CACNA1A: variants seen among roughly 807,000 people sequenced by gnomAD.
CACNA1A encodes the protein calcium voltage-gated channel subunit alpha1 A.
A neutral mutation model predicts 262.4 loss-of-function variants in CACNA1A; 57 were observed. That is an observed-to-expected ratio of 0.22 (90% CI 0.18 to 0.27). The LOEUF (loss-of-function observed/expected upper bound fraction) is 0.27, where lower values mean the gene tolerates loss of function less well. Among genes scored for constraint, CACNA1A ranks in the 10% least tolerant of loss-of-function variants. CACNA1A has a pLI of 1.00. For synonymous variants in CACNA1A, 1,431 were observed against 1,419.3 expected, an observed-to-expected ratio of 1.01 and a Z score of -0.18; for missense variants, 2,526 against 3,562.8, an observed-to-expected ratio of 0.71 and a Z score of 7.41.
chr19:13,373,332 A>G (rs977244529), intron 3 of CACNA1A, among the ~76,000 whole-genome samples: 2 of 152,100 alleles, frequency 1.3e-5, no homozygotes, highest in African/African-American at 4.8e-5. Flanking sequence ...TTGATTTTTC[A>G]GTTTTATCCA....
chr19:13,212,033 GT>G lies in CACNA1A; in HGVS notation c.6303+69del, dbSNP rs2054830696. 9 of 1,128,910 alleles carry G rather than the reference GT, an allele frequency of 8.0e-6. No homozygotes were observed. The highest frequency in any genetic ancestry group is 4.6e-5 in the African/African-American group (3 of 65,900). The allele number at this position is 1,128,910 out of a possible 1,614,324, so 69.9% of individuals were successfully genotyped here. A position where few individuals can be genotyped will look rare whatever the true frequency, so the allele number is the denominator to read the frequency against. ...AGGGAGGGGATGCACTGGGCTGCTTGTGGGGGGGCCTGGCCCTACCCAGTGC... is the reference window on the plus strand; with the variant it reads ...AGGGAGGGGATGCACTGGGCTGCTTGGGGGGGGCCTGGCCCTACCCAGTGC... On this transcript the variant is annotated intron_variant, in intron 43 of 46. Coordinates refer to ENST00000360228, the MANE Select transcript of CACNA1A (RefSeq NM_001127222.2). The surrounding 1 kb of genome is among the most constrained non-coding windows in gnomAD (Gnocchi z 5.6).
intron 1 of CACNA1A, among the ~76,000 whole-genome samples, chr19:13,466,839 G>A (rs900866783): frequency 5.3e-5 from 8 of 151,186 alleles, no homozygotes; most frequent in Non-Finnish European, 7.4e-5. Flanking sequence ...TGATATGGAC[G>A]GTTTTCAAGA....
intron 25 of CACNA1A, 92 bp downstream of exon 25, chr19:13,262,642 T>A: frequency 1.3e-6 from 1 of 746,734 alleles, no homozygotes; most frequent in South Asian, 1.5e-5. Flanking sequence ...CCTCCTTTAA[T>A]GTGTTGTCCT....
At chr19:13,238,903 G>A (rs2055972587) in intron 31 of CACNA1A, among the ~76,000 whole-genome samples, 1 of 151,924 alleles carries the variant, frequency 6.6e-6, no homozygotes, top group Non-Finnish European at 1.5e-5. Context: ...CCAGTTTTAA[G>A]CCAGACCCGA....
chr19:13,356,071 AGAAAGCTACTCT>A (rs2059003022), intron 6 of CACNA1A, among the ~76,000 whole-genome samples: 1 of 152,194 alleles, frequency 6.6e-6, no homozygotes, highest in Non-Finnish European at 1.5e-5. Context: ...GGAAAGTGCT[AGAAAGCTACTCT>A]GAGTTAGTGG....
At chr19:13,476,104 G>A (rs1004445642) in intron 1 of CACNA1A, among the ~76,000 whole-genome samples, 5 of 152,310 alleles carry the variant, frequency 3.3e-5, no homozygotes, top group African/African-American at 1.2e-4. Flanking sequence ...AGCAGCTCAG[G>A]AAGCTGGGGC....
intron 3 of CACNA1A, among the ~76,000 whole-genome samples, chr19:13,376,040 G>A (rs1002071157): frequency 6.6e-6 from 1 of 152,132 alleles, no homozygotes; most frequent in African/African-American, 2.4e-5. Context: ...GAGAGAGGTG[G>A]GGAAGTGCAG....
rs2060978182 is a variant in CACNA1A, at chr19:13,454,846, C to T, written c.399+261G>A. Reference sequence around the variant, plus strand: ...GGCATGGTGGCACCTGTAGTCCCTGCTACTCAGGAGGCTGCAGTGGGAGGA... The same window carrying T: ...GGCATGGTGGCACCTGTAGTCCCTGTTACTCAGGAGGCTGCAGTGGGAGGA... On this transcript the variant is annotated intron_variant, in intron 2 of 46. Coordinates refer to ENST00000360228, the MANE Select transcript of CACNA1A (RefSeq NM_001127222.2). 2.6e-5 allele frequency among the ~76,000 whole-genome samples: 4 copies of T among 152,116 alleles called. 1 individual carries two copies. Among genetic ancestry groups the T allele is most frequent in the Admixed American group, 6.5e-5 (1 of 15,284 alleles).
At chr19:13,440,769 CT>C (rs1276691884) in intron 3 of CACNA1A, among the ~76,000 whole-genome samples, 1 of 152,140 alleles carries the variant, frequency 6.6e-6, no homozygotes. Flanking sequence ...CTCATTGAAC[CT>C]TGAAAACAAC....
intron 27 of CACNA1A, chr19:13,258,809 A>G (rs1372173392): frequency 6.6e-6 from 1 of 152,168 alleles, no homozygotes; most frequent in African/African-American, 2.4e-5. Flanking sequence ...GGAGGGAGGC[A>G]TTTGTTTTGG....
At chr19:13,353,463 C>T (rs1376104184) in intron 6 of CACNA1A, among the ~76,000 whole-genome samples, 2 of 151,960 alleles carry the variant, frequency 1.3e-5, no homozygotes, top group African/African-American at 4.8e-5. Flanking sequence ...TGAGCCTTTC[C>T]CCTGTATCCT....
chr19:13,210,801 G>T, intron 43 of CACNA1A, 149 bp from the exon 44 acceptor site: 3 of 838,832 alleles, frequency 3.6e-6, no homozygotes, highest in Non-Finnish European at 3.9e-6. Context: ...GGAGGGAGAA[G>T]GCAGGGAGGA....
intron 1 of CACNA1A, among the ~76,000 whole-genome samples, chr19:13,478,831 T>G (rs1300055338): frequency 6.6e-6 from 1 of 152,230 alleles, no homozygotes; most frequent in African/African-American, 2.4e-5. Context: ...ATTTATCAAC[T>G]GCTTACTGCA....
At chr19:13,296,014 A>AATTGT (rs2057658337) in intron 19 of CACNA1A, among the ~76,000 whole-genome samples, 1 of 152,122 alleles carries the variant, frequency 6.6e-6, no homozygotes, top group Non-Finnish European at 1.5e-5. Context: ...TGTCCACACA[A>AATTGT]CCCAGAGTTA....
intron 1 of CACNA1A, among the ~76,000 whole-genome samples, chr19:13,488,472 T>C (rs569318386): frequency 6.9e-6 from 1 of 144,996 alleles, no homozygotes; most frequent in African/African-American, 2.6e-5. Context: ...CATCTCAGCT[T>C]ACTGCAACCT....
chr19:13,466,796 T>C (rs1053562116), intron 1 of CACNA1A, among the ~76,000 whole-genome samples: 3 of 152,104 alleles, frequency 2.0e-5, no homozygotes, highest in Non-Finnish European at 2.9e-5. Flanking sequence ...GCTGATTTTT[T>C]TTCCTCTGAG....
In CACNA1A at chr19:13,208,926, C is replaced by T. The variant is rs747673128; in HGVS notation, c.6610G>A (p.Asp2204Asn). Residue 2204 changes from aspartate (D) to asparagine (N), a missense_variant, in exon 46 of 47, where the codon GAT becomes AAT. Physicochemically the swap from Asp to Asn is conservative, Grantham distance 23. Coordinates refer to ENST00000360228, the MANE Select transcript of CACNA1A (RefSeq NM_001127222.2). Reference protein sequence around the residue: ...ERDQERGRPKDRKHRQHHHHH... With the variant: ...ERDQERGRPKNRKHRQHHHHH... The stretch of plus-strand genomic sequence containing the variant: ...TGGTGGTGCTGTCGATGCTTCCGAT[C>T]CTTGGGCCGGCCCCGCTCCTGGTCC... 16 of 1,537,224 alleles carry T rather than the reference C, an allele frequency of 1.0e-5. No homozygotes were observed. Among genetic ancestry groups the T allele is most frequent in the South Asian group, 2.4e-5 (2 of 84,054 alleles).
chr19:13,230,513 G>C (rs950122921), intron 35 of CACNA1A, among the ~76,000 whole-genome samples: 1 of 151,980 alleles, frequency 6.6e-6, no homozygotes, highest in Admixed American at 6.6e-5. Flanking sequence ...GATACAAAGA[G>C]ACAAAGACTG....
At chr19:13,240,527 TGTGTGTGCATAGTGGTGTGTGCA>T (rs1188865914) in intron 31 of CACNA1A, among the ~76,000 whole-genome samples, 21 of 149,142 alleles carry the variant, frequency 1.4e-4, no homozygotes, top group Admixed American at 1.4e-3. Context: ...CTGTGCACAG[TGTGTGTGCATAGTGGTGTGTGCA>T]GTGTGTGCAT....
Sources: gnomAD v4.1 joint callset for allele counts (sites outside exome capture counted in the v4.1 genomes callset) on GRCh38, gnomAD v4.1.1 for gene constraint, Gnocchi (gnomAD v3.1) non-coding constraint, MANE v1.5 for transcripts, NCBI Gene and HGNC (gene_info 2026-07-23, HGNC 2026-07-21) for gene names.